SDC2: variants seen among roughly 807,000 people sequenced by gnomAD.
The protein encoded by SDC2 is syndecan 2, also known as syndecan-2.
SDC2 carries 13 observed loss-of-function variants against 22.2 expected under a neutral mutation model. The observed-to-expected ratio is 0.59, with a 90% confidence interval of 0.38 to 0.93. SDC2 has a LOEUF of 0.93. Ranked by LOEUF, SDC2 falls within the 40% of genes least tolerant of loss-of-function variation. SDC2 has a pLI of 0.00. For synonymous variants in SDC2, 94 were observed against 92.8 expected, an observed-to-expected ratio of 1.01 and a Z score of -0.07; for missense variants, 235 against 246.8, an observed-to-expected ratio of 0.95 and a Z score of 0.32.
At chr8:96,511,026 C>T (rs1400127267) in intron 1 of SDC2, among the ~76,000 whole-genome samples, 2 of 152,172 alleles carry the variant, frequency 1.3e-5, no homozygotes, top group Non-Finnish European at 2.9e-5. Flanking sequence ...TCAGCAGCAT[C>T]TACAGCTCCT....
At chr8:96,590,034 G>C (rs1160343379) in intron 1 of SDC2, among the ~76,000 whole-genome samples, 1 of 152,238 alleles carries the variant, frequency 6.6e-6, no homozygotes, top group African/African-American at 2.4e-5. Flanking sequence ...AGGCAGTGTA[G>C]TGCTTCAGTT....
chr8:96,575,972 C>T (rs751642089), intron 1 of SDC2, among the ~76,000 whole-genome samples: 9 of 152,166 alleles, frequency 5.9e-5, no homozygotes, highest in Non-Finnish European at 8.8e-5. Flanking sequence ...CTGTCTTCCC[C>T]CTTACCGTTG....
At chr8:96,543,276 C>A (rs959430694) in intron 1 of SDC2, among the ~76,000 whole-genome samples, 10 of 152,130 alleles carry the variant, frequency 6.6e-5, no homozygotes, top group Non-Finnish European at 1.5e-4. Flanking sequence ...GTGTATATAT[C>A]TCACATTTGT....
chr8:96,602,811 T>C (rs1474224299), intron 3 of SDC2, among the ~76,000 whole-genome samples: 1 of 152,224 alleles, frequency 6.6e-6, no homozygotes, highest in Non-Finnish European at 1.5e-5. Flanking sequence ...TACAACTATT[T>C]TTCACATGGC....
At chr8:96,497,121 T>A in intron 1 of SDC2, among the ~76,000 whole-genome samples, 1 of 151,984 alleles carries the variant, frequency 6.6e-6, no homozygotes, top group East Asian at 1.9e-4. Context: ...CATTCTTAGA[T>A]GTCTGTAAAT....
At chr8:96,548,528 A>C (rs944282603) in intron 1 of SDC2, among the ~76,000 whole-genome samples, 3 of 152,244 alleles carry the variant, frequency 2.0e-5, no homozygotes, top group African/African-American at 7.2e-5. Flanking sequence ...TTTTTGCTGC[A>C]GATAGATGAT....
intron 1 of SDC2, among the ~76,000 whole-genome samples, chr8:96,499,754 C>T (rs1289892608): frequency 6.8e-6 from 1 of 147,004 alleles, no homozygotes. Context: ...TTCCTTTCCT[C>T]TCTTGGCCTT....
chr8:96,563,252 C>G (rs1035497549), intron 1 of SDC2, among the ~76,000 whole-genome samples: 2 of 152,170 alleles, frequency 1.3e-5, no homozygotes, highest in African/African-American at 2.4e-5. Flanking sequence ...CCTAGCCCAC[C>G]ATTCTAACGG....
chr8:96,557,418 A>G (rs1368467271), intron 1 of SDC2, among the ~76,000 whole-genome samples: 1 of 146,268 alleles, frequency 6.8e-6, no homozygotes, highest in East Asian at 1.9e-4. Flanking sequence ...AATGTGGCAC[A>G]TATACACCAT....
At chr8:96,581,847 A>G (rs776798642) in intron 1 of SDC2, among the ~76,000 whole-genome samples, 25 of 152,146 alleles carry the variant, frequency 1.6e-4, no homozygotes, top group Non-Finnish European at 2.9e-4. Flanking sequence ...ATTACTGTCC[A>G]CAGGTTTCCT....
chr8:96,537,483 AC>A (rs34021310), intron 1 of SDC2: 130,855 of 152,086 alleles, frequency 0.86, 56,445 homozygotes, highest in Middle Eastern at 0.9. Context: ...TACTTAAGGG[AC>A]CACACGCATG....
At chr8:96,608,313 C>A in intron 3 of SDC2, 22 bp from the exon 4 acceptor site, 2 of 1,606,190 alleles carry the variant, frequency 1.2e-6, no homozygotes, top group Non-Finnish European at 1.7e-6. Flanking sequence ...TCAATGTAAT[C>A]TTTCCCTGTT....
rs369528123 is a variant in SDC2 at position 96,582,590 on chromosome 8, C to T, written c.61-10890C>T. ...TGTCATTTTCTTCATTTAAAAAGTCCTCCTAGATCAGGTCACTGTGTCCAC... is the reference window on the plus strand; with the variant it reads ...TGTCATTTTCTTCATTTAAAAAGTCTTCCTAGATCAGGTCACTGTGTCCAC... On this transcript the variant is annotated intron_variant, in intron 1 of 4. Coordinates refer to ENST00000302190, the MANE Select transcript of SDC2 (RefSeq NM_002998.4). 7.9e-5 allele frequency among the ~76,000 whole-genome samples: 12 copies of T among 152,300 alleles called. No individual in the cohort carries two copies. In the East Asian group the frequency reaches 1.7e-3, roughly 22 times the overall value.
At chr8:96,586,344 T>G (rs1814686344) in intron 1 of SDC2, 1 of 152,144 alleles carries the variant, frequency 6.6e-6, no homozygotes, top group Admixed American at 6.5e-5. Context: ...GAAAAAAGGG[T>G]TTCTTCTACT....
At chr8:96,498,187 A>G (rs1025414026) in intron 1 of SDC2, among the ~76,000 whole-genome samples, 1 of 152,186 alleles carries the variant, frequency 6.6e-6, no homozygotes, top group African/African-American at 2.4e-5. Context: ...TATTTATTTC[A>G]TACCTACTAG....
At chr8:96,494,796 C>T (rs1011719110) in intron 1 of SDC2, among the ~76,000 whole-genome samples, 1 of 152,204 alleles carries the variant, frequency 6.6e-6, no homozygotes, top group Non-Finnish European at 1.5e-5. Context: ...CGCCAGCTTT[C>T]CTGTTTGACT....
intron 1 of SDC2, among the ~76,000 whole-genome samples, chr8:96,506,882 G>T (rs191746337): frequency 6.6e-6 from 1 of 151,906 alleles, no homozygotes; most frequent in Non-Finnish European, 1.5e-5. Context: ...GGTGGCGGGC[G>T]CCTGTAGTCC....
intron 2 of SDC2, among the ~76,000 whole-genome samples, chr8:96,601,487 A>C (rs1019618234): frequency 6.6e-6 from 1 of 151,762 alleles, no homozygotes; most frequent in Non-Finnish European, 1.5e-5. Flanking sequence ...TAAAAATACA[A>C]AAAATTAGCT....
chr8:96,587,440 A>G (rs1323052717), intron 1 of SDC2, among the ~76,000 whole-genome samples: 1 of 152,230 alleles, frequency 6.6e-6, no homozygotes, highest in Non-Finnish European at 1.5e-5. Context: ...CTTATAAGTC[A>G]GCCATATCTA....
Sources: allele counts gnomAD v4.1 joint callset (sites outside exome capture counted in the v4.1 genomes callset), GRCh38; gene constraint gnomAD v4.1.1; transcripts MANE v1.5; gene names NCBI Gene and HGNC (gene_info 2026-07-23, HGNC 2026-07-21).